Variants in SORL1 observed in about 807,000 individuals in gnomAD.
SORL1 encodes sortilin related receptor 1.
A neutral mutation model predicts 273.7 loss-of-function variants in SORL1; 127 were observed. The observed-to-expected ratio is 0.46, with a 90% CI of 0.40 to 0.54. The LOEUF (loss-of-function observed/expected upper bound fraction) is 0.54. Among genes scored for constraint, SORL1 ranks in the 20% least tolerant of loss-of-function variants. The pLI is 0.00. For synonymous variants in SORL1, 1,031 were observed against 1,067.4 expected (o/e 0.97, Z 0.66); for missense variants, 2,494 against 2,846.1 (o/e 0.88, Z 2.81).
intron 14 of SORL1, among the ~76,000 whole-genome samples, 199 bp from the exon 15 acceptor site, chr11:121,549,761 G>A (rs888215995): frequency 9.3e-5 from 14 of 150,060 alleles, no homozygotes; most frequent in Admixed American, 4.0e-4. Context: ...GCATGTGATT[G>A]TGTTTTTCCA....
At chr11:121,478,890 G>T (rs1861324558) in intron 3 of SORL1, among the ~76,000 whole-genome samples, 1 of 152,020 alleles carries the variant, frequency 6.6e-6, no homozygotes, top group Admixed American at 6.5e-5. Context: ...CTGTGTGTGT[G>T]CTTGTGTGTG....
At chr11:121,582,736 G>A (rs1863030951) in intron 25 of SORL1, among the ~76,000 whole-genome samples, 1 of 152,224 alleles carries the variant, frequency 6.6e-6, no homozygotes. Flanking sequence ...TTGGCTGGTA[G>A]ATGTTCCTCT....
intron 2 of SORL1, among the ~76,000 whole-genome samples, chr11:121,477,677 C>T (rs1220232761): frequency 1.3e-5 from 2 of 152,090 alleles, no homozygotes; most frequent in Non-Finnish European, 2.9e-5. Flanking sequence ...TAACATCTGT[C>T]ATTTCCTATC....
chr11:121,526,972 T>C (rs1334132336), intron 11 of SORL1, among the ~76,000 whole-genome samples: 1 of 152,122 alleles, frequency 6.6e-6, no homozygotes, highest in African/African-American at 2.4e-5. Flanking sequence ...CTTTCTTCTC[T>C]TTCCCTCCTT....
intron 6 of SORL1, among the ~76,000 whole-genome samples, chr11:121,507,556 T>A (rs2134837060): frequency 6.6e-6 from 1 of 152,212 alleles, no homozygotes; most frequent in South Asian, 2.1e-4. Context: ...GTTGAACCCC[T>A]CTACTAAATT....
chr11:121,576,724 G>T, intron 24 of SORL1: 2 of 1,446,104 alleles, frequency 1.4e-6, no homozygotes, highest in South Asian at 2.9e-5. Flanking sequence ...CCCTTCTAGA[G>T]ACAGCGCATC....
At chr11:121,493,748 G>T (rs1861590477) in intron 5 of SORL1, among the ~76,000 whole-genome samples, 1 of 152,138 alleles carries the variant, frequency 6.6e-6, no homozygotes, top group African/African-American at 2.4e-5. Context: ...AAGTGTAATG[G>T]TCCCAGAAGA....
rs373550444 is a variant in SORL1 at position 121,569,818 on chromosome 11, G to A, written c.3224-339G>A. ...GATCTCTGTGACCCACACCTTATTC[G>A]TACACTCCCTCCCCTTTTGAAATCA... On this transcript the variant is annotated intron_variant, in intron 22 of 47. Coordinates refer to ENST00000260197, the MANE Select transcript of SORL1 (RefSeq NM_003105.6). Among the ~76,000 whole-genome samples the A allele has an allele frequency of 1.1e-4, 17 of 152,144 alleles. No homozygotes were observed. The East Asian group carries it at 1.2e-3, about 10-fold the overall frequency.
At chr11:121,565,029 C>T (rs989358232) in intron 21 of SORL1, among the ~76,000 whole-genome samples, 1 of 152,152 alleles carries the variant, frequency 6.6e-6, no homozygotes, top group Non-Finnish European at 1.5e-5. Context: ...TTCTGCATTC[C>T]CTCTTGTAGC....
Position 121,591,228 on chromosome 11 carries a change from G to C in SORL1, c.4369+72G>C. ...GAGGACCTTCTGGGGGTGTGCTCTG[G>C]GCACAATCCAACCGGGCCCCATGCC... is the stretch of plus-strand genomic sequence containing the variant. On this transcript the variant is annotated intron_variant, in intron 31 of 47. Transcript: ENST00000260197. The C allele has an allele frequency of 1.9e-6, 3 of 1,540,780 alleles. No homozygotes were observed. The South Asian group carries it at 3.4e-5, about 17-fold the overall frequency.
At chr11:121,478,927 G>A (rs1037090427) in intron 3 of SORL1, among the ~76,000 whole-genome samples, 1 of 149,332 alleles carries the variant, frequency 6.7e-6, no homozygotes, top group Non-Finnish European at 1.5e-5. Context: ...TGCATGCATT[G>A]GTACCCACGT....
intron 3 of SORL1, among the ~76,000 whole-genome samples, chr11:121,486,092 T>G (rs1222428289): frequency 1.3e-5 from 2 of 152,226 alleles, no homozygotes; most frequent in African/African-American, 4.8e-5. Flanking sequence ...TGGAGATTGA[T>G]CTGGGTCAGG....
At chr11:121,463,492 G>T (rs1009405004) in intron 1 of SORL1, among the ~76,000 whole-genome samples, 1 of 152,176 alleles carries the variant, frequency 6.6e-6, no homozygotes, top group African/African-American at 2.4e-5. Flanking sequence ...GATATTATAA[G>T]GCAGTGAGAT....
chr11:121,622,334 T>G, intron 45 of SORL1, 66 bp downstream of exon 45: 1 of 859,072 alleles, frequency 1.2e-6, no homozygotes, highest in Non-Finnish European at 1.9e-6. Flanking sequence ...AGAGATGAGC[T>G]TGTTGACAGC....
intron 26 of SORL1, among the ~76,000 whole-genome samples, chr11:121,584,294 T>C (rs1384026147): frequency 6.6e-6 from 1 of 152,274 alleles, no homozygotes; most frequent in Admixed American, 6.5e-5. Context: ...CCAAGTCTCC[T>C]TGATATTAGA....
At chr11:121,618,617 G>A (rs925621484) in intron 41 of SORL1, among the ~76,000 whole-genome samples, 157 bp from the exon 42 acceptor site, 1 of 152,158 alleles carries the variant, frequency 6.6e-6, no homozygotes, top group Non-Finnish European at 1.5e-5. Flanking sequence ...TGGCCCAAGT[G>A]CCTTCTCTGT....
intron 14 of SORL1, among the ~76,000 whole-genome samples, chr11:121,546,411 C>G (rs1862426810): frequency 6.6e-6 from 1 of 152,096 alleles, no homozygotes; most frequent in African/African-American, 2.4e-5. Flanking sequence ...CAGAGGATCT[C>G]AGAGCTCCTG....
At chr11:121,524,983 C>T (rs1055801175) in intron 11 of SORL1, among the ~76,000 whole-genome samples, 22 of 152,024 alleles carry the variant, frequency 1.4e-4, no homozygotes, top group Non-Finnish European at 2.8e-4. Flanking sequence ...TTTATTGAAG[C>T]AGATAAGGGG....
intron 20 of SORL1, among the ~76,000 whole-genome samples, 180 bp downstream of exon 20, chr11:121,559,017 G>A (rs1862634459): frequency 6.6e-6 from 1 of 152,162 alleles, no homozygotes; most frequent in African/African-American, 2.4e-5. Context: ...AGGCGCCAAG[G>A]GTCCAGGCTC....
Sources: allele counts gnomAD v4.1 joint callset (sites outside exome capture counted in the v4.1 genomes callset), GRCh38; gene constraint gnomAD v4.1.1; transcripts MANE v1.5; gene names NCBI Gene and HGNC (gene_info 2026-07-23, HGNC 2026-07-21).